ERCC6L2: variants seen among roughly 807,000 people sequenced by gnomAD.
The protein encoded by ERCC6L2 is DNA excision repair protein ERCC-6-like 2.
Under a neutral mutation model 132.0 loss-of-function variants are expected in ERCC6L2, and 77 were observed. The ratio of observed to expected loss-of-function variants is 0.58; its 90% CI spans 0.49 to 0.71. ERCC6L2 has a LOEUF of 0.71. ERCC6L2 is among the 30% of genes least tolerant of loss of function. ERCC6L2 has a pLI of 0.00. For synonymous variants in ERCC6L2, 583 were observed against 632.4 expected (o/e 0.92, Z 1.17); for missense variants, 1,542 against 1,837.6 (o/e 0.84, Z 2.94).
At chr9:95,963,369 A>T (rs778674483) in intron 13 of ERCC6L2, among the ~76,000 whole-genome samples, 3 of 151,920 alleles carry the variant, frequency 2.0e-5, no homozygotes, top group Non-Finnish European at 4.4e-5. Flanking sequence ...ATCAGTATGT[A>T]TTTCCCCAAA....
chr9:95,907,859 C>CACACA (rs1564212414), intron 4 of ERCC6L2, among the ~76,000 whole-genome samples: 3 of 112,722 alleles, frequency 2.7e-5, no homozygotes, highest in African/African-American at 8.9e-5. Flanking sequence ...ACACACACCC[C>CACACA]CACACCCACA....
chr9:95,879,470 G>A (rs998029805), intron 1 of ERCC6L2, among the ~76,000 whole-genome samples: 5 of 152,130 alleles, frequency 3.3e-5, no homozygotes, highest in Admixed American at 6.5e-5. Context: ...TTGCTGTAAG[G>A]GTTGCTTTAG....
At chr9:96,020,391 CG>C, downstream of ERCC6L2, 1 of 243,890 alleles carries the variant, frequency 4.1e-6, no homozygotes, top group South Asian at 4.9e-5. Context: ...AATACACACC[CG>C]GGATGCTCCA....
Position 95,972,496 on chromosome 9 carries a change from C to T in ERCC6L2, c.2745C>T (p.Pro915=), listed in dbSNP as rs1028755484. 3.1e-5 allele frequency: 40 copies of T among 1,289,594 alleles called. No homozygotes were observed. The highest frequency in any genetic ancestry group is 2.1e-4 in the Middle Eastern group (1 of 4,718). The allele number at this position is 1,289,594 out of a possible 1,614,324, so 79.9% of individuals were successfully genotyped here. A position where few individuals can be genotyped will look rare whatever the true frequency, so the allele number is the denominator to read the frequency against. The change falls in exon 16 of 19, where the codon CCC becomes CCT. Residue 915 remains proline, a synonymous_variant. Transcript: ENST00000653738. ...CPTQYTTERF[P]DNSIRFKPPL... is the part of the protein sequence containing the mutation. ...CACAATACACAACTGAGAGATTCCC[C>T]GACAATAGTATAAGGTTTAAGCCAC...
At chr9:96,029,845 G>T (rs967139060) in intron 19 of ERCC6L2, among the ~76,000 whole-genome samples, 1 of 152,086 alleles carries the variant, frequency 6.6e-6, no homozygotes, top group African/African-American at 2.4e-5. Context: ...TCTTAGGAAG[G>T]AACTGCCCCT....
At chr9:95,911,857 A>G (rs781526733) in intron 4 of ERCC6L2, among the ~76,000 whole-genome samples, 1 of 152,230 alleles carries the variant, frequency 6.6e-6, no homozygotes, top group South Asian at 2.1e-4. Flanking sequence ...CTGTCCGCCA[A>G]TTACCTTTAC....
chr9:95,875,915 C>A lies in ERCC6L2; in HGVS notation c.-124C>A. 1.9e-6 allele frequency: 2 copies of A among 1,041,416 alleles called. No individual in the cohort carries two copies. Among genetic ancestry groups the A allele is most frequent in the Non-Finnish European group, 2.8e-6 (2 of 706,566 alleles). The allele number at this position is 1,041,416 out of a possible 1,614,324, so 64.5% of individuals were successfully genotyped here. ...CCTGTGGCTTCGGGTTGCCGAAGAG[C>A]GATGCTCGGAGGGCGGCCGGAAGTG... On this transcript the variant is annotated 5_prime_UTR_variant, in exon 1 of 19. Coordinates refer to ENST00000653738, the MANE Select transcript of ERCC6L2 (RefSeq NM_020207.7).
Position 95,942,731 on chromosome 9 carries a change from C to T in ERCC6L2, c.1847+1182C>T, listed in dbSNP as rs138176020. Among the ~76,000 whole-genome samples, 53 of 151,866 alleles carry T rather than the reference C, an allele frequency of 3.5e-4. 1 individual carries two copies. Among genetic ancestry groups the T allele is most frequent in the African/African-American group, 9.9e-4 (41 of 41,360 alleles). On this transcript the variant is annotated intron_variant, in intron 12 of 18. Coordinates refer to ENST00000653738, the MANE Select transcript of ERCC6L2 (RefSeq NM_020207.7). ...GAAATAATGAACAGAGACTGGAGGA[C>T]GGGAGATAATTGATGACATGATTGG...
intron 6 of ERCC6L2, among the ~76,000 whole-genome samples, chr9:95,919,166 C>T (rs62562966): frequency 0.12 from 18,397 of 151,696 alleles, 1,251 homozygotes; most frequent in African/African-American, 0.17. Flanking sequence ...CGGCCTGTGT[C>T]TACATTTCTG....
In ERCC6L2 at chr9:95,998,332, A is replaced by G. The variant is rs1361224738; in HGVS notation, c.3493-6188A>G. On this transcript the variant is annotated intron_variant, in intron 17 of 18. Transcript: ENST00000653738. ...AATGCCCCCCTCAAAGATGTCTGTT[A>G]ACTCATTTCTGGAACCTATGAATAC... Among the ~76,000 whole-genome samples the G allele has an allele frequency of 2.0e-5, 3 of 152,206 alleles. No individual in the cohort carries two copies. The South Asian group carries it at 6.2e-4, about 32-fold the overall frequency.
intron 18 of ERCC6L2, among the ~76,000 whole-genome samples, chr9:96,009,888 C>T (rs921391272): frequency 2.6e-5 from 4 of 152,180 alleles, no homozygotes; most frequent in African/African-American, 9.7e-5. Flanking sequence ...CGGGTGAGGT[C>T]GTGGTTTCAG....
chr9:95,894,109 G>A (rs759389918), intron 2 of ERCC6L2, among the ~76,000 whole-genome samples: 1 of 152,028 alleles, frequency 6.6e-6, no homozygotes, highest in Non-Finnish European at 1.5e-5. Context: ...GAACACTTAC[G>A]TTAGCATATA....
At chr9:95,937,487 C>T (rs1212264360) in intron 11 of ERCC6L2, among the ~76,000 whole-genome samples, 1 of 151,740 alleles carries the variant, frequency 6.6e-6, no homozygotes, top group Non-Finnish European at 1.5e-5. Flanking sequence ...TATTTTTTTT[C>T]CCTAAGAGTT....
intron 2 of ERCC6L2, among the ~76,000 whole-genome samples, chr9:95,881,516 A>G (rs1827592342): frequency 6.6e-6 from 1 of 152,182 alleles, no homozygotes; most frequent in Middle Eastern, 3.2e-3. Context: ...TTCCAAAATA[A>G]TGTTTTGGTA....
At chr9:96,025,142 C>T (rs1013190148) in intron 19 of ERCC6L2, among the ~76,000 whole-genome samples, 1 of 152,144 alleles carries the variant, frequency 6.6e-6, no homozygotes, top group Non-Finnish European at 1.5e-5. Flanking sequence ...ATGACGCAGA[C>T]TGGTTTAAGC....
chr9:96,017,368 C>T lies in ERCC6L2; in HGVS notation c.*4165C>T, dbSNP rs1834203064. ...GGGTTTCTCTAGGAAAACAGTGCAT[C>T]TGATAGTTACTCTCTGCCCCTAGGA... On this transcript the variant is annotated 3_prime_UTR_variant, in exon 19 of 19. Transcript: ENST00000653738. 6.6e-6 allele frequency among the ~76,000 whole-genome samples: 1 copy of T among 152,142 alleles called. No individual in the cohort carries two copies. Among genetic ancestry groups the T allele is most frequent in the Non-Finnish European group, 1.5e-5 (1 of 68,002 alleles).
At chr9:95,876,280 C>T (rs181277529) in intron 1 of ERCC6L2, 196 bp downstream of exon 1, 1 of 528,460 alleles carries the variant, frequency 1.9e-6, no homozygotes, top group Non-Finnish European at 3.4e-6. Flanking sequence ...GAGTCAGCCC[C>T]TGGGATCTAG....
chr9:95,970,710 C>A, intron 15 of ERCC6L2, 54 bp downstream of exon 15: 1 of 1,142,638 alleles, frequency 8.8e-7, no homozygotes, highest in Non-Finnish European at 1.1e-6. Context: ...TGTACTGTGA[C>A]AATTTTGTTT....
chr9:95,908,696 A>G (rs1182689154), intron 4 of ERCC6L2, among the ~76,000 whole-genome samples: 2 of 152,178 alleles, frequency 1.3e-5, no homozygotes, highest in African/African-American at 4.8e-5. Flanking sequence ...CTACAGGGAT[A>G]CAATTTATAC....
Sources: gnomAD v4.1 joint callset for allele counts (sites outside exome capture counted in the v4.1 genomes callset) on GRCh38, gnomAD v4.1.1 for gene constraint, MANE v1.5 for transcripts, NCBI Gene and HGNC (gene_info 2026-07-23, HGNC 2026-07-21) for gene names.